GNAL: variants seen among roughly 807,000 people sequenced by gnomAD.
The protein encoded by GNAL is G protein subunit alpha L.
In GNAL, 18 loss-of-function variants were observed where a neutral mutation model predicts 55.1. The observed-to-expected ratio is 0.33, with a 90% CI of 0.23 to 0.48. The LOEUF (loss-of-function observed/expected upper bound fraction) is 0.48, where lower values mean the gene tolerates loss of function less well. Among genes scored for constraint, GNAL ranks in the 20% least tolerant of loss-of-function variants. GNAL has a pLI of 0.99. For synonymous variants in GNAL, 253 were observed against 237.0 expected (o/e 1.07, Z -0.62); for missense variants, 412 against 614.1 (o/e 0.67, Z 3.48).
At position 11,693,462 on chromosome 18, in the gene GNAL, A is replaced by G. The variant is rs191409208; in HGVS notation, c.376+3523A>G. On this transcript the variant is annotated intron_variant, in intron 1 of 11. Transcript: ENST00000334049. The stretch of plus-strand genomic sequence containing the variant: ...ACGCATACTGTTACATGAGGTTGAC[A>G]TTGTTTATCAATTTTATATAGATTT... Among the ~76,000 whole-genome samples, 281 of 152,318 alleles carry G rather than the reference A, an allele frequency of 1.8e-3. 2 individuals are homozygous for G. The highest frequency in any genetic ancestry group is 6.3e-3 in the African/African-American group (262 of 41,566).
intron 4 of GNAL, among the ~76,000 whole-genome samples, chr18:11,807,574 G>A (rs1479156583): frequency 6.6e-6 from 1 of 152,250 alleles, no homozygotes; most frequent in African/African-American, 2.4e-5. Flanking sequence ...TAAGAGTTCT[G>A]TTTGGCACTT....
At chr18:11,759,945 G>A (rs934566968) in intron 4 of GNAL, among the ~76,000 whole-genome samples, 2 of 152,040 alleles carry the variant, frequency 1.3e-5, no homozygotes, top group Non-Finnish European at 2.9e-5. Context: ...AATCAGGTCA[G>A]CATGAGTTCC....
At chr18:11,855,072 C>T (rs2035973690) in intron 5 of GNAL, among the ~76,000 whole-genome samples, 1 of 152,066 alleles carries the variant, frequency 6.6e-6, no homozygotes, top group South Asian at 2.1e-4. Context: ...AGATGCGCAC[C>T]AACACACCTG....
chr18:11,691,576 G>A (rs893358524), intron 1 of GNAL, among the ~76,000 whole-genome samples: 4 of 150,298 alleles, frequency 2.7e-5, no homozygotes, highest in Non-Finnish European at 5.9e-5. Flanking sequence ...TTTTCTTCTA[G>A]GGTTTTTATG....
At chr18:11,830,749 A>G (rs2143683860) in intron 5 of GNAL, among the ~76,000 whole-genome samples, 1 of 152,380 alleles carries the variant, frequency 6.6e-6, no homozygotes, top group African/African-American at 2.4e-5. Context: ...TGAAGAATGT[A>G]TAGACAAAAC....
At chr18:11,794,781 A>G (rs1416510073) in intron 4 of GNAL, among the ~76,000 whole-genome samples, 4 of 151,714 alleles carry the variant, frequency 2.6e-5, no homozygotes, top group East Asian at 3.9e-4. Context: ...AAAAAAAAAA[A>G]AAAGGACAGG....
At chr18:11,732,058 T>G (rs2032351367) in intron 1 of GNAL, among the ~76,000 whole-genome samples, 1 of 152,242 alleles carries the variant, frequency 6.6e-6, no homozygotes, top group Admixed American at 6.5e-5. Context: ...CATATAGGTA[T>G]ACCATATTTT....
intron 1 of GNAL, among the ~76,000 whole-genome samples, chr18:11,693,129 A>G (rs1028391477): frequency 1.4e-5 from 2 of 146,916 alleles, no homozygotes; most frequent in African/African-American, 5.4e-5. Context: ...TGATGTGATT[A>G]TACAGTTGAA....
At chr18:11,873,699 C>T (rs918506251) in intron 10 of GNAL, among the ~76,000 whole-genome samples, 79 of 152,354 alleles carry the variant, frequency 5.2e-4, no homozygotes, top group African/African-American at 1.6e-3. Flanking sequence ...GGCCGGGTGC[C>T]GCTTGCCCAT....
intron 6 of GNAL, 40 bp downstream of exon 6, chr18:11,862,489 T>C (rs1025836787): frequency 2.2e-6 from 3 of 1,342,436 alleles, no homozygotes; most frequent in Non-Finnish European, 3.2e-6. Context: ...ACCAGAAACT[T>C]TGAGATTCAT....
Position 11,865,509 on chromosome 18 carries a change from G to C in GNAL, c.851+903G>C, listed in dbSNP as rs146149598. On this transcript the variant is annotated intron_variant, in intron 7 of 11. Transcript: ENST00000334049. ...TCACGCCTGTAATCTCAGCACTTTG[G>C]GAGGCAAAGGCAGTAGGATTGCTTG... Among the ~76,000 whole-genome samples the C allele has an allele frequency of 2.1e-3, 311 of 148,478 alleles. 39 individuals are homozygous for C. The highest frequency in any genetic ancestry group is 7.7e-3 in the African/African-American group (294 of 38,184).
chr18:11,724,979 C>T (rs1049120225), intron 1 of GNAL, among the ~76,000 whole-genome samples: 9 of 152,172 alleles, frequency 5.9e-5, no homozygotes, highest in Non-Finnish European at 1.3e-4. Context: ...CCTCGAGCAC[C>T]ATGGGGTCTG....
At chr18:11,866,311 G>A (rs1194030699) in intron 7 of GNAL, among the ~76,000 whole-genome samples, 1 of 150,350 alleles carries the variant, frequency 6.7e-6, no homozygotes, top group African/African-American at 2.5e-5. Context: ...ATTCTAATAG[G>A]ATCAGCAACA....
chr18:11,870,390 G>GGGC, intron 9 of GNAL, among the ~76,000 whole-genome samples: 1 of 152,154 alleles, frequency 6.6e-6, no homozygotes, highest in Non-Finnish European at 1.5e-5. Context: ...GAGTGGTGGT[G>GGGC]GGCGCCTGTA....
chr18:11,768,850 C>T (rs139483133), intron 4 of GNAL, among the ~76,000 whole-genome samples: 6 of 141,594 alleles, frequency 4.2e-5, no homozygotes, highest in East Asian at 2.0e-4. Context: ...GCCGAGATCA[C>T]GCCACTGCAC....
chr18:11,829,546 T>C (rs1429162256), intron 5 of GNAL, among the ~76,000 whole-genome samples: 1 of 152,196 alleles, frequency 6.6e-6, no homozygotes. Flanking sequence ...AGAAAGGACA[T>C]TTCAAAATCA....
intron 4 of GNAL, among the ~76,000 whole-genome samples, chr18:11,793,869 G>A (rs1000387710): frequency 6.8e-6 from 1 of 146,840 alleles, no homozygotes; most frequent in South Asian, 2.1e-4. Context: ...GAGATTGCAC[G>A]CCACTGCACT....
At chr18:11,848,045 G>A (rs1468824520) in intron 5 of GNAL, among the ~76,000 whole-genome samples, 2 of 152,144 alleles carry the variant, frequency 1.3e-5, no homozygotes, top group African/African-American at 4.8e-5. Flanking sequence ...GAGCAGATTT[G>A]GGGGAAAGGA....
intron 4 of GNAL, among the ~76,000 whole-genome samples, chr18:11,821,020 C>G (rs1034454974): frequency 2.6e-5 from 4 of 152,210 alleles, no homozygotes; most frequent in Non-Finnish European, 4.4e-5. Context: ...TAAAGCAGTT[C>G]CAGTCCTCAC....
Sources: allele counts gnomAD v4.1 joint callset (sites outside exome capture counted in the v4.1 genomes callset), GRCh38; gene constraint gnomAD v4.1.1; transcripts MANE v1.5; gene names NCBI Gene and HGNC (gene_info 2026-07-23, HGNC 2026-07-21).